The following PCDHGB2 variants were observed in gnomAD, a reference collection of about 807,000 sequenced individuals.
PCDHGB2 encodes protocadherin gamma subfamily B, 2.
PCDHGB2 carries 55 observed loss-of-function variants against 59.3 expected under a neutral mutation model. That is an observed-to-expected ratio of 0.93 (90% confidence interval 0.75 to 1.16). The LOEUF is 1.16. Ranked by LOEUF, PCDHGB2 falls within the 50% of genes most tolerant of loss-of-function variation. PCDHGB2 has a pLI of 0.00. For synonymous variants in PCDHGB2, 516 were observed against 512.0 expected, an observed-to-expected ratio of 1.01 and a Z score of -0.11; for missense variants, 1,228 against 1,198.5, an observed-to-expected ratio of 1.02 and a Z score of -0.36.
chr5:141,449,078 C>T (rs1342751417), intron 1 of PCDHGB2, among the ~76,000 whole-genome samples: 1 of 152,052 alleles, frequency 6.6e-6, no homozygotes, highest in Non-Finnish European at 1.5e-5. Flanking sequence ...AGCCCTGTAC[C>T]TACATCAGTT....
chr5:141,400,236 G>C (rs1195592972), intron 1 of PCDHGB2: 6 of 1,613,868 alleles, frequency 3.7e-6, no homozygotes, highest in African/African-American at 1.3e-5. Flanking sequence ...TCCTGGCCGT[G>C]ATTCTGGCCG....
chr5:141,399,660 C>T (rs988885728), intron 1 of PCDHGB2: 2 of 1,613,654 alleles, frequency 1.2e-6, no homozygotes, highest in East Asian at 2.2e-5. Context: ...GGGTGGTGTT[C>T]GCGCAGCGCG....
intron 1 of PCDHGB2, among the ~76,000 whole-genome samples, chr5:141,492,922 T>C (rs1191111432): frequency 1.3e-5 from 2 of 152,194 alleles, no homozygotes; most frequent in Non-Finnish European, 2.9e-5. Context: ...TGCCCAGCGA[T>C]CTAGGGTCAG....
At chr5:141,427,659 G>A (rs546743297) in intron 1 of PCDHGB2, 3 of 742,336 alleles carry the variant, frequency 4.0e-6, no homozygotes, top group East Asian at 5.3e-5. Context: ...CGTGGTCCAC[G>A]TGGCCGAAAA....
At chr5:141,366,701 C>T (rs1764751877) in intron 1 of PCDHGB2, 2 of 1,614,262 alleles carry the variant, frequency 1.2e-6, no homozygotes, top group Non-Finnish European at 1.7e-6. Flanking sequence ...AAGCGAGCCT[C>T]TTCTGATGTC....
chr5:141,409,351 G>T, intron 1 of PCDHGB2: 1 of 1,613,982 alleles, frequency 6.2e-7, no homozygotes, highest in South Asian at 1.1e-5. Flanking sequence ...GAGAAGTCAG[G>T]TGTAATATAG....
rs763792447 is a variant in PCDHGB2, at chr5:141,362,267, T to C, written c.2132T>C (p.Ile711Thr). The change falls in exon 1 of 4, where the codon ATC (isoleucine) becomes ACC (threonine). Residue 711 changes from isoleucine (I) to threonine (T), a missense_variant. Ile to Thr is a moderately conservative substitution (Grantham distance 89, BLOSUM62 -1). Coordinates refer to ENST00000522605, the MANE Select transcript of PCDHGB2 (RefSeq NM_018923.3). ...TTCTTCCTCGCGGTGATTCTGGCAA[T>C]CTCCCTGCGCCTGCGACTCTCTTCC... ...VLFFLAVILA[I>T]SLRLRLSSRS... The C allele has an allele frequency of 4.3e-6, 7 of 1,613,980 alleles. No homozygotes were observed. The Admixed American group carries it at 1.2e-4, about 27-fold the overall frequency.
intron 1 of PCDHGB2, chr5:141,408,054 C>G (rs1561710214): frequency 1.5e-6 from 2 of 1,295,924 alleles, no homozygotes; most frequent in East Asian, 2.6e-5. Flanking sequence ...CACAGAGCCT[C>G]CCGGCTGCGC....
At chr5:141,408,500 A>G in intron 1 of PCDHGB2, 1 of 1,614,018 alleles carries the variant, frequency 6.2e-7, no homozygotes, top group Non-Finnish European at 8.5e-7. Context: ...CAAAGAGAGA[A>G]GAAGATGTGA....
Position 141,414,630 on chromosome 5 carries a change from C to A in PCDHGB2, c.2421+52074C>A. On this transcript the variant is annotated intron_variant, in intron 1 of 3. Coordinates refer to ENST00000522605, the MANE Select transcript of PCDHGB2 (RefSeq NM_018923.3). ...CAGTGACAGCGCTGGACCCGGACAG[C>A]AAAGAGAATGCCCAGATTATTTACT... 2 of 1,613,980 alleles carry A rather than the reference C, an allele frequency of 1.2e-6. No individual in the cohort carries two copies. Among genetic ancestry groups the A allele is most frequent in the Non-Finnish European group, 1.7e-6 (2 of 1,179,892 alleles).
chr5:141,394,701 C>T lies in PCDHGB2; in HGVS notation c.2421+32145C>T, dbSNP rs375281416. Reference sequence around the variant, plus strand: ...GCACACGGGCGAGGTGCGCACGGCGCGAGCCCTGCTGGACAGAGATGCGCT... The same window carrying T: ...GCACACGGGCGAGGTGCGCACGGCGTGAGCCCTGCTGGACAGAGATGCGCT... On this transcript the variant is annotated intron_variant, in intron 1 of 3. Coordinates refer to ENST00000522605, the MANE Select transcript of PCDHGB2 (RefSeq NM_018923.3). The T allele has an allele frequency of 1.0e-4, 163 of 1,613,044 alleles. 1 individual carries two copies. The highest frequency in any genetic ancestry group is 1.3e-4 in the Non-Finnish European group (159 of 1,179,888).
intron 1 of PCDHGB2, chr5:141,365,282 G>A: frequency 6.2e-7 from 1 of 1,613,998 alleles, no homozygotes; most frequent in South Asian, 1.1e-5. Context: ...CTACCTCATG[G>A]AAGTGGTAGC....
At chr5:141,408,598 A>G (rs1391583761) in intron 1 of PCDHGB2, 1 of 1,614,070 alleles carries the variant, frequency 6.2e-7, no homozygotes, top group Admixed American at 1.7e-5. Flanking sequence ...ACGCCCCTCA[A>G]TTTGATAAAA....
chr5:141,385,513 A>C (rs1781236036), intron 1 of PCDHGB2: 1 of 1,373,372 alleles, frequency 7.3e-7, no homozygotes, highest in Non-Finnish European at 9.4e-7. Flanking sequence ...CTTTAGTGAA[A>C]GCCTATGGAC....
rs188117490 is a variant in PCDHGB2 at position 141,507,256 on chromosome 5, C to G, written c.2569+1775C>G. 3 of 152,178 alleles carry G rather than the reference C, an allele frequency of 2.0e-5. No individual in the cohort carries two copies. In the East Asian group the frequency reaches 5.8e-4, roughly 29 times the overall value. The allele number at this position is 152,178 out of a possible 1,614,324, so 9.4% of individuals were successfully genotyped here. ...CAGTTACAGTTGAATGTCAGATAAA[C>G]AGCAAGTACTATTTCAGCATAAGTC... On this transcript the variant is annotated intron_variant, in intron 3 of 3. Coordinates refer to ENST00000522605, the MANE Select transcript of PCDHGB2 (RefSeq NM_018923.3).
chr5:141,370,241 T>C (rs1442707721), intron 1 of PCDHGB2: 3 of 626,086 alleles, frequency 4.8e-6, no homozygotes, highest in Non-Finnish European at 7.8e-6. Flanking sequence ...GGAAGAAAAG[T>C]GCACTCTCTA....
chr5:141,400,674 T>A, intron 1 of PCDHGB2: 1 of 917,906 alleles, frequency 1.1e-6, no homozygotes, highest in Non-Finnish European at 1.7e-6. Flanking sequence ...AGAGGAGCAG[T>A]AAATTGTGAG....
chr5:141,389,924 T>A (rs749120978), intron 1 of PCDHGB2: 13 of 1,614,062 alleles, frequency 8.1e-6, no homozygotes, highest in Non-Finnish European at 1.0e-5. Flanking sequence ...CCGACCCCTC[T>A]GACCTCCAGG....
chr5:141,410,664 A>G, intron 1 of PCDHGB2: 1 of 1,570,058 alleles, frequency 6.4e-7, no homozygotes, highest in Non-Finnish European at 8.6e-7. Context: ...ATAGTCTACT[A>G]GTTTCTCATA....
Sources: allele counts gnomAD v4.1 joint callset (sites outside exome capture counted in the v4.1 genomes callset), GRCh38; gene constraint gnomAD v4.1.1; transcripts MANE v1.5; gene names NCBI Gene and HGNC (gene_info 2026-07-23, HGNC 2026-07-21).